The following LIMD1 variants were observed in gnomAD, a reference collection of about 807,000 sequenced individuals.
LIMD1 encodes the protein LIM domain containing 1, also known as LIM domain-containing protein 1.
LIMD1 carries 23 observed loss-of-function variants against 58.4 expected under a neutral mutation model. That is an observed-to-expected ratio of 0.39 (90% CI 0.28 to 0.56). The LOEUF (loss-of-function observed/expected upper bound fraction) is 0.56, where lower values mean the gene tolerates loss of function less well. Ranked by LOEUF, LIMD1 falls within the 20% of genes least tolerant of loss-of-function variation. The pLI is 0.57. For synonymous variants in LIMD1, 334 were observed against 345.5 expected (o/e 0.97, Z 0.37); for missense variants, 838 against 855.5 (o/e 0.98, Z 0.25).
intron 1 of LIMD1, among the ~76,000 whole-genome samples, chr3:45,598,354 C>T (rs1701377765): frequency 6.6e-6 from 1 of 152,244 alleles, no homozygotes; most frequent in Admixed American, 6.5e-5. Flanking sequence ...GCTGGAAATA[C>T]TGTGGGTCTT....
intron 1 of LIMD1, among the ~76,000 whole-genome samples, chr3:45,628,822 G>A (rs1701696396): frequency 1.3e-5 from 2 of 152,222 alleles, no homozygotes; most frequent in Non-Finnish European, 2.9e-5. Flanking sequence ...ATACCACATG[G>A]CAGTAAAGAG....
chr3:45,607,802 G>A lies in LIMD1; in HGVS notation c.1408+11515G>A, dbSNP rs118167465. 1.8e-4 allele frequency among the ~76,000 whole-genome samples: 28 copies of A among 152,268 alleles called. No homozygotes were observed. The East Asian group carries it at 3.5e-3, about 19-fold the overall frequency. The stretch of plus-strand genomic sequence containing the variant: ...AGGAGCAGATTTGCTTTTTGTGCCC[G>A]AAACCCCTTCTGACAATAACAGCAG... On this transcript the variant is annotated intron_variant, in intron 1 of 7. Coordinates refer to ENST00000273317, the MANE Select transcript of LIMD1 (RefSeq NM_014240.3).
At chr3:45,596,976 C>A (rs1324448180) in intron 1 of LIMD1, among the ~76,000 whole-genome samples, 1 of 151,696 alleles carries the variant, frequency 6.6e-6, no homozygotes, top group African/African-American at 2.4e-5. Flanking sequence ...ATTCTCCTGC[C>A]TCAGCCTCTT....
chr3:45,634,067 C>A (rs555976970), intron 1 of LIMD1, among the ~76,000 whole-genome samples: 2 of 152,180 alleles, frequency 1.3e-5, no homozygotes, highest in South Asian at 4.2e-4. Flanking sequence ...GTTGATTTTT[C>A]AAAAATTTTA....
intron 2 of LIMD1, among the ~76,000 whole-genome samples, chr3:45,658,535 C>CTTTTTTTTTTTTTTTTTTTTTTT: frequency 2.2e-5 from 1 of 44,754 alleles, no homozygotes; most frequent in Non-Finnish European, 4.5e-5. Context: ...CATGCAGATT[C>CTTTTTTTTTTTTTTTTTTTTTTT]TTTTTTTTTT....
At position 45,681,683 on chromosome 3, in the gene LIMD1, T is replaced by C. The variant is rs1697746772; in HGVS notation, c.*4624T>C. On this transcript the variant is annotated 3_prime_UTR_variant, in exon 8 of 8. Transcript: ENST00000273317. ...TGACTTTTGCTCCAGAGACAGACAC[T>C]ATCTCTGTCATCCAAGACTGTTCAC... is the stretch of plus-strand genomic sequence containing the variant. 6.6e-6 allele frequency: 1 copy of C among 152,214 alleles called. No individual in the cohort carries two copies. The highest frequency in any genetic ancestry group is 1.5e-5 in the Non-Finnish European group (1 of 68,046). 9.4% of individuals were successfully genotyped at this position (152,214 alleles called of 1,614,324 possible).
At chr3:45,644,828 G>A (rs961678304) in intron 2 of LIMD1, among the ~76,000 whole-genome samples, 2 of 152,232 alleles carry the variant, frequency 1.3e-5, no homozygotes, top group Non-Finnish European at 2.9e-5. Flanking sequence ...TGTGACAACA[G>A]AGACTGGATT....
rs1427013972 is a variant in LIMD1 at position 45,680,477 on chromosome 3, T to TGGCTAAAGCCA, written c.*3424_*3425insAGCCAGGCTAA. The TGGCTAAAGCCA allele has an allele frequency of 6.6e-6, 1 of 152,028 alleles. No individual in the cohort carries two copies. The highest frequency in any genetic ancestry group is 2.4e-5 in the African/African-American group (1 of 41,374). 9.4% of individuals were successfully genotyped at this position (152,028 alleles called of 1,614,324 possible). ...ACAGGCGTGTATGACTGGCTACGCC[T>TGGCTAAAGCCA]GGCTAATTTTTGTATTTTTAATAGA... On this transcript the variant is annotated 3_prime_UTR_variant, in exon 8 of 8. Transcript: ENST00000273317.
chr3:45,676,947 A>G lies in LIMD1; in HGVS notation c.1919A>G (p.Glu640Gly), dbSNP rs1371039939. The G allele has an allele frequency of 6.2e-7, 1 of 1,614,130 alleles. No homozygotes were observed. Among genetic ancestry groups the G allele is most frequent in the Non-Finnish European group, 8.5e-7 (1 of 1,180,006 alleles). ...CEDCGLELND[E>G]DGHRCYPLED... is the part of the protein sequence containing the mutation. ...GACTGTGGTCTGGAGCTCAATGATG[A>G]AGATGGCCACCGCTGTTATCCGCTG... Residue 640 changes from glutamate to glycine, a missense_variant, in exon 8 of 8, where the codon GAA becomes GGA. Transcript: ENST00000273317.
intron 1 of LIMD1, chr3:45,634,972 T>C: frequency 6.6e-6 from 1 of 152,354 alleles, no homozygotes; most frequent in Non-Finnish European, 1.5e-5. Flanking sequence ...GCGCGGTGGC[T>C]CATGCCTGTC....
chr3:45,653,368 C>T (rs1701993410), intron 2 of LIMD1, among the ~76,000 whole-genome samples: 1 of 152,186 alleles, frequency 6.6e-6, no homozygotes, highest in Non-Finnish European at 1.5e-5. Context: ...GGGCTGCGTT[C>T]CCTACTGTGA....
chr3:45,674,458 A>G (rs1472637953), intron 7 of LIMD1, 47 bp downstream of exon 7: 4 of 1,469,612 alleles, frequency 2.7e-6, no homozygotes, highest in Admixed American at 3.4e-5. Context: ...TAGACATCCA[A>G]GAGAAAAGCA....
At chr3:45,622,460 G>A (rs185139316) in intron 1 of LIMD1, among the ~76,000 whole-genome samples, 1 of 152,228 alleles carries the variant, frequency 6.6e-6, no homozygotes, top group Admixed American at 6.5e-5. Flanking sequence ...ATCAGGCATG[G>A]TAAGAGATGA....
At position 45,681,880 on chromosome 3, in the gene LIMD1, G is replaced by A. The variant is rs934196804; in HGVS notation, c.*4821G>A. The A allele has an allele frequency of 3.3e-5, 5 of 152,192 alleles. No individual in the cohort carries two copies. The highest frequency in any genetic ancestry group is 1.2e-4 in the African/African-American group (5 of 41,428). 9.4% of individuals were successfully genotyped at this position (152,192 alleles called of 1,614,324 possible). Reference sequence around the variant, plus strand: ...AAGGTCCTGATGCAGTGACTTGTAAGGTCACTTTGTCTCTCTTGTGAATGT... The same window carrying A: ...AAGGTCCTGATGCAGTGACTTGTAAAGTCACTTTGTCTCTCTTGTGAATGT... On this transcript the variant is annotated 3_prime_UTR_variant, in exon 8 of 8. Transcript: ENST00000273317.
chr3:45,632,665 A>G, intron 1 of LIMD1: 1 of 439,822 alleles, frequency 2.3e-6, no homozygotes, highest in Non-Finnish European at 3.0e-6. Flanking sequence ...CATGGCCCTT[A>G]TTCTGAAGGC....
intron 2 of LIMD1, among the ~76,000 whole-genome samples, chr3:45,641,130 G>A (rs1438039965): frequency 6.6e-6 from 1 of 152,194 alleles, no homozygotes; most frequent in Non-Finnish European, 1.5e-5. Flanking sequence ...CGGCACAGCT[G>A]GGGGTCTGGG....
In LIMD1 at chr3:45,679,761, G is replaced by A. The variant is rs1420122395; in HGVS notation, c.*2702G>A. 6.6e-6 allele frequency: 1 copy of A among 152,102 alleles called. No individual in the cohort carries two copies. Among genetic ancestry groups the A allele is most frequent in the Non-Finnish European group, 1.5e-5 (1 of 68,026 alleles). The allele number at this position is 152,102 out of a possible 1,614,324, so 9.4% of individuals were successfully genotyped here. A position where few individuals can be genotyped will look rare whatever the true frequency, so the allele number is the denominator to read the frequency against. On this transcript the variant is annotated 3_prime_UTR_variant, in exon 8 of 8. Coordinates refer to ENST00000273317, the MANE Select transcript of LIMD1 (RefSeq NM_014240.3). Reference sequence around the variant, plus strand: ...TGGGACATTCAGAAACTGCCTGGGTGGTTTGAGAAGAGACAACCCAGTTTG... The same window carrying A: ...TGGGACATTCAGAAACTGCCTGGGTAGTTTGAGAAGAGACAACCCAGTTTG...
chr3:45,674,484 G>A (rs1329157277), intron 7 of LIMD1, 73 bp downstream of exon 7: 2 of 1,170,276 alleles, frequency 1.7e-6, no homozygotes, highest in Non-Finnish European at 2.5e-6. Context: ...CGTTGACTGG[G>A]GCAAGAGGCA....
Position 45,594,978 on chromosome 3 carries a change from G to T in LIMD1, c.99G>T (p.Lys33Asn). The T allele has an allele frequency of 6.2e-7, 1 of 1,614,034 alleles. No individual in the cohort carries two copies. Among genetic ancestry groups the T allele is most frequent in the Non-Finnish European group, 8.5e-7 (1 of 1,180,042 alleles). The change falls in exon 1 of 8, where the codon AAG (lysine) becomes AAT (asparagine). Residue 33 changes from lysine (K) to asparagine (N), a missense_variant. Transcript: ENST00000273317. The part of the protein sequence containing the change: ...ASKDGLFRVD[K>N]GAGNNPEFEE... The stretch of plus-strand genomic sequence containing the variant: ...AGGATGGGCTCTTCCGAGTGGACAA[G>T]GGTGCAGGCAACAACCCCGAGTTTG...
Sources: gnomAD v4.1 joint callset for allele counts (sites outside exome capture counted in the v4.1 genomes callset) on GRCh38, gnomAD v4.1.1 for gene constraint, MANE v1.5 for transcripts, NCBI Gene and HGNC (gene_info 2026-07-23, HGNC 2026-07-21) for gene names.